LINGO2: variants seen among roughly 807,000 people sequenced by gnomAD.
The protein encoded by LINGO2 is leucine-rich repeat and immunoglobulin-like domain-containing nogo receptor-interacting protein 2.
Under a neutral mutation model 30.6 loss-of-function variants are expected in LINGO2, and 14 were observed. The observed-to-expected ratio is 0.46, with a 90% CI of 0.30 to 0.72. The LOEUF is 0.72. Ranked by LOEUF, LINGO2 falls within the 30% of genes least tolerant of loss-of-function variation. The probability of loss-of-function intolerance (pLI) is 0.07; values close to 1 mark genes in which losing one functional copy is unlikely to be tolerated. For synonymous variants in LINGO2, 317 were observed against 288.5 expected (o/e 1.10, Z -1.00); for missense variants, 729 against 751.7 (o/e 0.97, Z 0.35).
At chr9:28,009,597 A>G (rs1172087450) in intron 5 of LINGO2, among the ~76,000 whole-genome samples, 1 of 152,194 alleles carries the variant, frequency 6.6e-6, no homozygotes, top group African/African-American at 2.4e-5. Flanking sequence ...AATGACCACT[A>G]AACACATGAA....
At chr9:29,068,374 AT>A in the LINGO2 span, among the ~76,000 whole-genome samples, 1 of 151,784 alleles carries the variant, frequency 6.6e-6, no homozygotes, top group Non-Finnish European at 1.5e-5. Context: ...GCAGGTAATC[AT>A]TTTTTTAAAC....
chr9:28,688,559 T>A, the LINGO2 span, among the ~76,000 whole-genome samples: 1 of 152,160 alleles, frequency 6.6e-6, no homozygotes, highest in South Asian at 2.1e-4. Context: ...TAAGGGAAAT[T>A]GCCCGAGGAA....
intron 4 of LINGO2, among the ~76,000 whole-genome samples, chr9:28,172,950 C>G (rs1587137181): frequency 6.6e-6 from 1 of 152,154 alleles, no homozygotes; most frequent in African/African-American, 2.4e-5. Flanking sequence ...CTACTGGAGT[C>G]CAGTATATGT....
chr9:28,536,580 C>T (rs1821446695), intron 1 of LINGO2, among the ~76,000 whole-genome samples: 1 of 152,084 alleles, frequency 6.6e-6, no homozygotes, highest in African/African-American at 2.4e-5. Context: ...AGGATGATTG[C>T]ATGGGTCGCT....
At chr9:28,525,620 T>C (rs1160456585) in intron 1 of LINGO2, among the ~76,000 whole-genome samples, 1 of 152,074 alleles carries the variant, frequency 6.6e-6, no homozygotes, top group Non-Finnish European at 1.5e-5. Context: ...AGCAAATCTA[T>C]AGAGACAGAA....
At chr9:29,108,844 A>C in the LINGO2 span, among the ~76,000 whole-genome samples, 1 of 152,306 alleles carries the variant, frequency 6.6e-6, no homozygotes, top group East Asian at 1.9e-4. Context: ...GACATGAATA[A>C]AAGCAAATGG....
At chr9:29,070,290 TC>T in the LINGO2 span, among the ~76,000 whole-genome samples, 1 of 152,208 alleles carries the variant, frequency 6.6e-6, no homozygotes, top group Non-Finnish European at 1.5e-5. Flanking sequence ...TCTTCAGATT[TC>T]CTGTTTCTTC....
Position 28,221,088 on chromosome 9 carries a change from A to T in LINGO2, c.-87+74120T>A, listed in dbSNP as rs200162993. On this transcript the variant is annotated intron_variant, in intron 4 of 5. Coordinates refer to ENST00000379992, the Ensembl canonical transcript of LINGO2. ...GCTGAGGCGGGTGGATCACGAGGTC[A>T]GGAGATCGAAACCATCCTCGCTAAC... is the stretch of plus-strand genomic sequence containing the variant. Among the ~76,000 whole-genome samples, 13 of 152,188 alleles carry T rather than the reference A, an allele frequency of 8.5e-5. No individual in the cohort carries two copies. The East Asian group carries it at 2.5e-3, about 30-fold the overall frequency.
In LINGO2 at chr9:28,292,975, T is replaced by C. The variant is rs549061828; in HGVS notation, c.-87+2233A>G. ...TTTTAGTAGAGACGGGGTTTCACCA[T>C]GTTAGCCAGGATGGTCTTGATCTCC... On this transcript the variant is annotated intron_variant, in intron 4 of 5. Coordinates refer to ENST00000379992, the Ensembl canonical transcript of LINGO2. Among the ~76,000 whole-genome samples, 233 of 152,216 alleles carry C rather than the reference T, an allele frequency of 1.5e-3. 1 individual carries two copies. Among genetic ancestry groups the C allele is most frequent in the Non-Finnish European group, 2.4e-3 (163 of 67,988 alleles).
intron 2 of LINGO2, among the ~76,000 whole-genome samples, chr9:28,429,524 C>T (rs1366402767): frequency 6.6e-6 from 1 of 152,110 alleles, no homozygotes; most frequent in Non-Finnish European, 1.5e-5. Flanking sequence ...CAATATGGAG[C>T]TGTGCATAAC....
At chr9:29,094,669 G>A in the LINGO2 span, among the ~76,000 whole-genome samples, 4 of 138,582 alleles carry the variant, frequency 2.9e-5, 1 homozygote, top group Non-Finnish European at 6.3e-5. Context: ...TTTAGTGGCT[G>A]ACTATAGAAA....
At chr9:28,251,495 T>C (rs1822197101) in intron 4 of LINGO2, among the ~76,000 whole-genome samples, 1 of 152,174 alleles carries the variant, frequency 6.6e-6, no homozygotes, top group African/African-American at 2.4e-5. Flanking sequence ...TGAGGATTAG[T>C]TGTCATTTAT....
At chr9:28,127,163 C>G (rs753741082) in intron 4 of LINGO2, among the ~76,000 whole-genome samples, 2 of 152,302 alleles carry the variant, frequency 1.3e-5, no homozygotes, top group East Asian at 3.9e-4. Context: ...CCACACCTTT[C>G]ATCTAGAAGT....
intron 2 of LINGO2, among the ~76,000 whole-genome samples, chr9:28,404,328 C>A (rs1435931918): frequency 1.3e-5 from 2 of 148,224 alleles, no homozygotes; most frequent in Non-Finnish European, 3.0e-5. Flanking sequence ...CCAAATGATT[C>A]GTGGTAGAGG....
intron 1 of LINGO2, among the ~76,000 whole-genome samples, chr9:28,632,666 TA>T (rs979190762): frequency 2.1e-4 from 23 of 111,938 alleles, no homozygotes; most frequent in Non-Finnish European, 2.9e-4. Flanking sequence ...TTTATCTATA[TA>T]AAATATCTAT....
the LINGO2 span, among the ~76,000 whole-genome samples, chr9:28,850,717 A>G: frequency 2.6e-5 from 4 of 152,182 alleles, no homozygotes; most frequent in South Asian, 8.3e-4. Context: ...GATGTATGGC[A>G]TGAGTTAGAA....
the LINGO2 span, among the ~76,000 whole-genome samples, chr9:28,883,943 G>T: frequency 2.2e-4 from 33 of 151,058 alleles, no homozygotes; most frequent in South Asian, 5.7e-3. Context: ...CTCCCAAAGT[G>T]CTGGGATTAC....
At chr9:28,258,484 C>A (rs1021750444) in intron 4 of LINGO2, among the ~76,000 whole-genome samples, 6 of 151,872 alleles carry the variant, frequency 4.0e-5, no homozygotes, top group Middle Eastern at 3.4e-3. Context: ...CTTTTCTGGA[C>A]CCTGAATTAT....
chr9:28,147,333 A>G lies in LINGO2; in HGVS notation c.-86-134928T>C, dbSNP rs1263465701. On this transcript the variant is annotated intron_variant, in intron 4 of 5. Coordinates refer to ENST00000379992, the Ensembl canonical transcript of LINGO2. The surrounding 1 kb of genome is among the most constrained non-coding windows in gnomAD (Gnocchi z 4.7). Reference sequence around the variant, plus strand: ...CCTGAATGACCTGAGGAATGGTCTCAGGCAAATTTGTAAAAAGTGGAGACC... The same window carrying G: ...CCTGAATGACCTGAGGAATGGTCTCGGGCAAATTTGTAAAAAGTGGAGACC... 2.6e-5 allele frequency among the ~76,000 whole-genome samples: 4 copies of G among 152,318 alleles called. No individual in the cohort carries two copies. Among genetic ancestry groups the G allele is most frequent in the East Asian group, 3.9e-4 (2 of 5,178 alleles).
Sources: gnomAD v4.1 joint callset for allele counts (sites outside exome capture counted in the v4.1 genomes callset) on GRCh38, gnomAD v4.1.1 for gene constraint, Gnocchi (gnomAD v3.1) non-coding constraint, MANE v1.5 for transcripts, NCBI Gene and HGNC (gene_info 2026-07-23, HGNC 2026-07-21) for gene names.